KLHL18: variants seen among roughly 807,000 people sequenced by gnomAD.
The protein encoded by KLHL18 is kelch-like protein 18.
A neutral mutation model predicts 58.5 loss-of-function variants in KLHL18; 38 were observed. The observed-to-expected ratio is 0.65, with a 90% confidence interval of 0.50 to 0.85. The LOEUF is 0.85. KLHL18 is among the 40% of genes least tolerant of loss of function. The pLI is 0.00. For missense variants in KLHL18, 624 were observed against 778.4 expected (o/e 0.80, Z 2.36); for synonymous variants, 303 against 301.9 (o/e 1.00, Z -0.04).
At position 47,333,300 on chromosome 3, in the gene KLHL18, T is replaced by C; in HGVS notation, c.744T>C (p.Arg248=). The change falls in exon 5 of 10, where the codon CGT becomes CGC. Residue 248 remains arginine (R), a synonymous_variant. Coordinates refer to ENST00000232766, the MANE Select transcript of KLHL18 (RefSeq NM_025010.5). ...GAGTACAGCAGGATGACCTGGTGCG[T>C]TGCTGCCACAAATGCAGGTGAGTGA... is the stretch of plus-strand genomic sequence containing the variant. The part of the protein sequence containing the change: ...SDRVQQDDLV[R]CCHKCRDLVD... 6.2e-7 allele frequency: 1 copy of C among 1,613,842 alleles called. No homozygotes were observed. Among genetic ancestry groups the C allele is most frequent in the Non-Finnish European group, 8.5e-7 (1 of 1,179,864 alleles).
intron 1 of KLHL18, among the ~76,000 whole-genome samples, chr3:47,315,187 G>A (rs551390623): frequency 5.3e-5 from 8 of 152,324 alleles, no homozygotes; most frequent in African/African-American, 1.9e-4. Context: ...AACTGAAAGT[G>A]CCTCCCGGGG....
At position 47,338,585 on chromosome 3, in the gene KLHL18, G is replaced by A. The variant is rs551049276; in HGVS notation, c.1121+1828G>A. On this transcript the variant is annotated intron_variant, in intron 7 of 9. Transcript: ENST00000232766. ...GCCTATAATCCCAGCACTTTGCGAG[G>A]CCAAGGAGGGCGGATCACCTAAGGT... 2.6e-5 allele frequency: 4 copies of A among 152,376 alleles called. No homozygotes were observed. In the East Asian group the frequency reaches 7.7e-4, roughly 29 times the overall value. 9.4% of individuals were successfully genotyped at this position (152,376 alleles called of 1,614,324 possible). A position where few individuals can be genotyped will look rare whatever the true frequency, so the allele number is the denominator to read the frequency against.
At chr3:47,312,905 ATTTTTTTT>A (rs35710141) in intron 1 of KLHL18, among the ~76,000 whole-genome samples, 1 of 117,886 alleles carries the variant, frequency 8.5e-6, no homozygotes, top group Admixed American at 9.2e-5. Context: ...ATACCTTTTA[ATTTTTTTT>A]TTTTTTTTTT....
chr3:47,340,367 G>C (rs1704080916), intron 7 of KLHL18, among the ~76,000 whole-genome samples: 2 of 152,110 alleles, frequency 1.3e-5, no homozygotes, highest in Admixed American at 1.3e-4. Context: ...GAGCAGGGAG[G>C]GGAGGCAGCC....
intron 6 of KLHL18, among the ~76,000 whole-genome samples, 190 bp downstream of exon 6, chr3:47,335,009 G>T (rs1444974273): frequency 6.6e-6 from 1 of 152,188 alleles, no homozygotes; most frequent in African/African-American, 2.4e-5. Flanking sequence ...GAATATCAGT[G>T]CTAAAGAGAC....
intron 4 of KLHL18, 133 bp from the exon 5 acceptor site, chr3:47,333,024 G>C (rs1327768471): frequency 2.4e-6 from 2 of 834,630 alleles, no homozygotes; most frequent in Admixed American, 2.6e-5. Context: ...GGATTTCAGA[G>C]ACAAGTAGGA....
chr3:47,307,602 C>A (rs1703180862), intron 1 of KLHL18, among the ~76,000 whole-genome samples: 1 of 151,400 alleles, frequency 6.6e-6, no homozygotes, highest in Non-Finnish European at 1.5e-5. Flanking sequence ...GTTGCCCATG[C>A]CAATCCCAAA....
intron 1 of KLHL18, among the ~76,000 whole-genome samples, chr3:47,318,310 C>G (rs541123220): frequency 6.6e-5 from 10 of 152,340 alleles, no homozygotes; most frequent in Middle Eastern, 3.4e-3. Flanking sequence ...CAAGCTCACT[C>G]AGGTAGCTGT....
chr3:47,329,641 A>C (rs562047001), intron 3 of KLHL18, among the ~76,000 whole-genome samples: 1 of 152,216 alleles, frequency 6.6e-6, no homozygotes, highest in Admixed American at 6.5e-5. Context: ...CGTCTCAAAC[A>C]GATTTTCAGT....
chr3:47,289,851 A>G (rs1702754608), intron 1 of KLHL18, among the ~76,000 whole-genome samples: 5 of 152,214 alleles, frequency 3.3e-5, no homozygotes. Context: ...ATGCATGGAC[A>G]TAGAGTGTGG....
At chr3:47,306,115 A>G (rs1291432337) in intron 1 of KLHL18, among the ~76,000 whole-genome samples, 1 of 151,574 alleles carries the variant, frequency 6.6e-6, no homozygotes, top group East Asian at 1.9e-4. Flanking sequence ...TTTTTTCTCT[A>G]GTTCCTTGGA....
At position 47,332,812 on chromosome 3, in the gene KLHL18, C is replaced by G. The variant is rs572198902; in HGVS notation, c.601-345C>G. ...GGGGGGACAGTGTAAACAGGAGAAC[C>G]AGCCCAGCCTTGCCGGAGTACAGAG... On this transcript the variant is annotated intron_variant, in intron 4 of 9. Coordinates refer to ENST00000232766, the MANE Select transcript of KLHL18 (RefSeq NM_025010.5). Among the ~76,000 whole-genome samples, 8 of 152,080 alleles carry G rather than the reference C, an allele frequency of 5.3e-5. No homozygotes were observed. In the South Asian group the frequency reaches 1.7e-3, roughly 32 times the overall value.
At chr3:47,339,332 CA>C (rs879345636) in intron 7 of KLHL18, among the ~76,000 whole-genome samples, 3 of 146,026 alleles carry the variant, frequency 2.1e-5, no homozygotes, top group African/African-American at 5.0e-5. Flanking sequence ...CCCGTCTATA[CA>C]AAAAAAAAAT....
chr3:47,304,712 G>T (rs1367704285), intron 1 of KLHL18, among the ~76,000 whole-genome samples: 1 of 151,902 alleles, frequency 6.6e-6, no homozygotes, highest in Non-Finnish European at 1.5e-5. Context: ...AACTGCTTTG[G>T]ATTTTCTACA....
chr3:47,336,987 G>A (rs936157918), intron 7 of KLHL18: 34 of 516,586 alleles, frequency 6.6e-5, no homozygotes, highest in Non-Finnish European at 9.4e-5. Flanking sequence ...ATGGACATGT[G>A]GAAGTTGTGT....
At chr3:47,301,664 A>AC (rs1226992352) in intron 1 of KLHL18, among the ~76,000 whole-genome samples, 1 of 152,048 alleles carries the variant, frequency 6.6e-6, no homozygotes, top group Non-Finnish European at 1.5e-5. Context: ...TGGAATGTTG[A>AC]CCCCCTGCCC....
At chr3:47,291,714 C>T (rs1175591280) in intron 1 of KLHL18, among the ~76,000 whole-genome samples, 1 of 152,098 alleles carries the variant, frequency 6.6e-6, no homozygotes, top group Non-Finnish European at 1.5e-5. Context: ...TTATTTATTG[C>T]TCTAGCATAT....
chr3:47,334,711 C>T lies in KLHL18; in HGVS notation c.790C>T (p.His264Tyr). ...CCTGGTAGACGAAGCAAAGGACTAC[C>T]ACCTCATGCCAGAGCGCCGGCCCCA... The part of the protein sequence containing the change: ...RDLVDEAKDY[H>Y]LMPERRPHLP... Residue 264 changes from histidine (H) to tyrosine (Y), a missense_variant, in exon 6 of 10, where the codon CAC (histidine) becomes TAC (tyrosine). His to Tyr is a moderately conservative substitution (Grantham distance 83). Coordinates refer to ENST00000232766, the MANE Select transcript of KLHL18 (RefSeq NM_025010.5). The surrounding 1 kb of genome is among the most constrained non-coding windows in gnomAD (Gnocchi z 4.7). 2 of 1,614,152 alleles carry T rather than the reference C, an allele frequency of 1.2e-6. No homozygotes were observed. The highest frequency in any genetic ancestry group is 2.2e-5 in the East Asian group (1 of 44,878).
intron 6 of KLHL18, among the ~76,000 whole-genome samples, chr3:47,335,949 A>G (rs978448685): frequency 1.3e-5 from 2 of 152,232 alleles, no homozygotes; most frequent in Non-Finnish European, 2.9e-5. Context: ...CCATAGCAGC[A>G]TACCACAGGA....
Sources: allele counts gnomAD v4.1 joint callset (sites outside exome capture counted in the v4.1 genomes callset), GRCh38; gene constraint gnomAD v4.1.1; non-coding constraint Gnocchi (gnomAD v3.1); transcripts MANE v1.5; gene names NCBI Gene and HGNC (gene_info 2026-07-23, HGNC 2026-07-21).